The following GAD1 variants were observed in gnomAD, a reference collection of about 807,000 sequenced individuals.
The protein encoded by GAD1 is glutamate decarboxylase 1, also known as 67 kDa glutamic acid decarboxylase.
In GAD1, 35 loss-of-function variants were observed where a neutral mutation model predicts 75.2. That is an observed-to-expected ratio of 0.47 (90% CI 0.36 to 0.62). The LOEUF is 0.62. Ranked by LOEUF, GAD1 falls within the 20% of genes least tolerant of loss-of-function variation. GAD1 has a pLI of 0.00. For synonymous variants in GAD1, 257 were observed against 271.9 expected (o/e 0.95, Z 0.54); for missense variants, 490 against 758.5 (o/e 0.65, Z 4.16).
chr2:170,856,637 T>C (rs1702858707), intron 14 of GAD1, among the ~76,000 whole-genome samples: 1 of 152,214 alleles, frequency 6.6e-6, no homozygotes, highest in African/African-American at 2.4e-5. Context: ...AATCCCTTTG[T>C]CCAATTGCCA....
upstream of GAD1, among the ~76,000 whole-genome samples, chr2:170,814,134 A>G (rs563170553): frequency 1.1e-4 from 16 of 152,182 alleles, no homozygotes; most frequent in Non-Finnish European, 2.2e-4. Context: ...AAACAAAAAT[A>G]TAGGTTTCAA....
rs779355410 is a variant in GAD1 at position 170,834,572 on chromosome 2, G to A, written c.548-2221G>A. ...TTTGTAGATATGCTGGACTCCCTTC[G>A]TTGTTCTTTTTAAAACTTTTTCTTA... On this transcript the variant is annotated intron_variant, in intron 5 of 16. Transcript: ENST00000358196. Among the ~76,000 whole-genome samples, 9 of 152,102 alleles carry A rather than the reference G, an allele frequency of 5.9e-5. 1 individual carries two copies. The South Asian group carries it at 1.0e-3, about 18-fold the overall frequency.
At chr2:170,827,658 C>T (rs1188293542) in intron 3 of GAD1, among the ~76,000 whole-genome samples, 1 of 152,180 alleles carries the variant, frequency 6.6e-6, no homozygotes, top group African/African-American at 2.4e-5. Flanking sequence ...GGCTCAGATC[C>T]CTCCTGTCAT....
rs927532624 is a variant in GAD1 at position 170,853,615 on chromosome 2, T to C, written c.1264-258T>C. The C allele has an allele frequency of 2.2e-6, 1 of 456,572 alleles. No homozygotes were observed. The highest frequency in any genetic ancestry group is 2.1e-5 in the South Asian group (1 of 47,422). The allele number at this position is 456,572 out of a possible 1,614,324, so 28.3% of individuals were successfully genotyped here. A position where few individuals can be genotyped will look rare whatever the true frequency, so the allele number is the denominator to read the frequency against. Reference sequence around the variant, plus strand: ...ATCTTGAAACAATCCCAGACACCCATACACATTTCCCCTTAGAGGGATGGC... The same window carrying C: ...ATCTTGAAACAATCCCAGACACCCACACACATTTCCCCTTAGAGGGATGGC... On this transcript the variant is annotated intron_variant, in intron 13 of 16. Coordinates refer to ENST00000358196, the MANE Select transcript of GAD1 (RefSeq NM_000817.3). This position sits in a 1 kb window ranked among gnomAD's most constrained non-coding sequence, Gnocchi z 4.1.
At chr2:170,834,592 T>A (rs185774784) in intron 5 of GAD1, among the ~76,000 whole-genome samples, 3,364 of 152,294 alleles carry the variant, frequency 0.022, 128 homozygotes, top group Admixed American at 0.1. Context: ...TTAAAACTTT[T>A]TCTTATGGAA....
At chr2:170,824,352 C>T (rs1416034500) in intron 3 of GAD1, among the ~76,000 whole-genome samples, 4 of 150,746 alleles carry the variant, frequency 2.7e-5, no homozygotes, top group African/African-American at 9.8e-5. Context: ...TTGTGTTGGC[C>T]CTGGGTCCAC....
At chr2:170,852,611 GATA>G in intron 12 of GAD1, 100 bp from the exon 13 acceptor site, 1 of 938,822 alleles carries the variant, frequency 1.1e-6, no homozygotes, top group Non-Finnish European at 1.7e-6. Context: ...AATAGGCATG[GATA>G]ATATTTACTA....
chr2:170,852,902 C>A, intron 13 of GAD1, 110 bp downstream of exon 13: 2 of 914,374 alleles, frequency 2.2e-6, no homozygotes, highest in Non-Finnish European at 3.6e-6. Context: ...ACGAGATTGG[C>A]AGCCCCACTG....
At chr2:170,858,171 G>A (rs1213804409) in intron 15 of GAD1, among the ~76,000 whole-genome samples, 1 of 152,128 alleles carries the variant, frequency 6.6e-6, no homozygotes, top group Non-Finnish European at 1.5e-5. Flanking sequence ...ATTAGAGGCA[G>A]GCACAGTAAT....
chr2:170,823,256 C>G (rs968819824), intron 3 of GAD1, among the ~76,000 whole-genome samples: 2 of 152,184 alleles, frequency 1.3e-5, no homozygotes, highest in Admixed American at 6.5e-5. Context: ...AGCCCCGGAG[C>G]GCCGAGAGCC....
chr2:170,815,940 C>T (rs929860986), upstream of GAD1, among the ~76,000 whole-genome samples: 1 of 152,222 alleles, frequency 6.6e-6, no homozygotes, highest in African/African-American at 2.4e-5. Flanking sequence ...CGCATTTTTA[C>T]GGCGAGGGGC....
At chr2:170,834,680 C>T (rs1240530519) in intron 5 of GAD1, among the ~76,000 whole-genome samples, 9 of 152,252 alleles carry the variant, frequency 5.9e-5, no homozygotes, top group African/African-American at 2.2e-4. Flanking sequence ...TCAGCTTTTA[C>T]CTGTACCGCC....
chr2:170,852,580 C>T, intron 12 of GAD1, 134 bp from the exon 13 acceptor site: 2 of 754,808 alleles, frequency 2.6e-6, no homozygotes, highest in East Asian at 2.7e-5. Flanking sequence ...TTGTTTGCTA[C>T]TTGATTAGTC....
At chr2:170,827,642 G>T (rs1046056807) in intron 3 of GAD1, among the ~76,000 whole-genome samples, 2 of 152,146 alleles carry the variant, frequency 1.3e-5, no homozygotes, top group Non-Finnish European at 2.9e-5. Flanking sequence ...TGAGAATCCC[G>T]CCCTGGGCTC....
chr2:170,849,384 C>A lies in GAD1; in HGVS notation c.1184+34C>A, dbSNP rs768858320. 7 of 1,596,360 alleles carry A rather than the reference C, an allele frequency of 4.4e-6. No individual in the cohort carries two copies. The African/African-American group carries it at 6.7e-5, about 15-fold the overall frequency. On this transcript the variant is annotated intron_variant, in intron 12 of 16. Coordinates refer to ENST00000358196, the MANE Select transcript of GAD1 (RefSeq NM_000817.3). ...CAGAACTCGCCAGGCCTCCTTCCACCCAGCACATCAAACAGACCATGCTCT... is the reference window on the plus strand; with the variant it reads ...CAGAACTCGCCAGGCCTCCTTCCACACAGCACATCAAACAGACCATGCTCT...
At chr2:170,815,025 T>G (rs1207350742), upstream of GAD1, among the ~76,000 whole-genome samples, 1 of 152,188 alleles carries the variant, frequency 6.6e-6, no homozygotes, top group East Asian at 1.9e-4. Flanking sequence ...TGCCTCCTCC[T>G]TCCTGTCTCC....
At position 170,818,745 on chromosome 2, in the gene GAD1, A is replaced by C; in HGVS notation, c.82+72A>C. 6.9e-7 allele frequency: 1 copy of C among 1,453,222 alleles called. No homozygotes were observed. The highest frequency in any genetic ancestry group is 1.1e-5 in the South Asian group (1 of 87,982). The allele number at this position is 1,453,222 out of a possible 1,614,324, so 90.0% of individuals were successfully genotyped here. On this transcript the variant is annotated intron_variant, in intron 2 of 16. Transcript: ENST00000358196. This position sits in a 1 kb window ranked among gnomAD's most constrained non-coding sequence, Gnocchi z 5.9. ...GGGGCGCTGGGACGTCGGGAGGCTG[A>C]GCTGGCGGAAAGGGAAGGGGGAGCG...
At chr2:170,830,814 C>A (rs972073817) in intron 4 of GAD1, 136 bp from the exon 5 acceptor site, 2 of 1,111,694 alleles carry the variant, frequency 1.8e-6, no homozygotes, top group Non-Finnish European at 2.6e-6. Context: ...GTGGTATATC[C>A]GATTCTCAGT....
intron 11 of GAD1, chr2:170,848,971 G>GT (rs1702695683): frequency 2.2e-6 from 1 of 447,866 alleles, no homozygotes. Flanking sequence ...GACTCACTGT[G>GT]TTGGCTTTCC....
Sources: allele counts gnomAD v4.1 joint callset (sites outside exome capture counted in the v4.1 genomes callset), GRCh38; gene constraint gnomAD v4.1.1; non-coding constraint Gnocchi (gnomAD v3.1); transcripts MANE v1.5; gene names NCBI Gene and HGNC (gene_info 2026-07-23, HGNC 2026-07-21).